Variants in TMEM117 observed in about 807,000 individuals in gnomAD.
The protein encoded by TMEM117 is transmembrane protein 117.
Under a neutral mutation model 52.4 loss-of-function variants are expected in TMEM117, and 27 were observed. The ratio of observed to expected loss-of-function variants is 0.51; its 90% CI spans 0.38 to 0.71. The LOEUF (loss-of-function observed/expected upper bound fraction) is 0.71. TMEM117 is among the 30% of genes least tolerant of loss of function. The pLI, the probability that TMEM117 is intolerant of heterozygous loss-of-function variation, is 0.00. For missense variants in TMEM117, 556 were observed against 630.5 expected (o/e 0.88, Z 1.26); for synonymous variants, 215 against 206.3 (o/e 1.04, Z -0.36).
intron 2 of TMEM117, among the ~76,000 whole-genome samples, chr12:43,875,871 CT>C (rs950140618): frequency 2.6e-5 from 4 of 151,960 alleles, no homozygotes; most frequent in Admixed American, 2.0e-4. Flanking sequence ...TTTTTTTCCC[CT>C]GGGATGATAT....
At chr12:44,084,999 A>G (rs1299463274) in intron 3 of TMEM117, among the ~76,000 whole-genome samples, 1 of 152,220 alleles carries the variant, frequency 6.6e-6, no homozygotes. Context: ...TGCTGTGAAG[A>G]TTCAATAACA....
intron 5 of TMEM117, among the ~76,000 whole-genome samples, chr12:44,243,436 A>C (rs926824662): frequency 2.0e-5 from 3 of 151,936 alleles, no homozygotes; most frequent in Non-Finnish European, 4.4e-5. Flanking sequence ...TTAAATACTA[A>C]TTTTAAATAA....
intron 6 of TMEM117, among the ~76,000 whole-genome samples, chr12:44,315,073 T>C (rs1328141607): frequency 6.6e-6 from 1 of 152,212 alleles, no homozygotes; most frequent in Non-Finnish European, 1.5e-5. Context: ...TGAGAATCTT[T>C]TGTGTTTCTG....
At chr12:44,064,026 A>G (rs1947183316) in intron 3 of TMEM117, among the ~76,000 whole-genome samples, 1 of 152,162 alleles carries the variant, frequency 6.6e-6, no homozygotes, top group Non-Finnish European at 1.5e-5. Flanking sequence ...AGGTGAATTT[A>G]TGGGCCTCCT....
intron 6 of TMEM117, among the ~76,000 whole-genome samples, chr12:44,372,563 C>T (rs1006956181): frequency 2.2e-5 from 3 of 138,214 alleles, no homozygotes; most frequent in Non-Finnish European, 3.3e-5. Flanking sequence ...TGTTTACATC[C>T]GGATAGTATG....
chr12:43,829,750 G>A, the TMEM117 span, among the ~76,000 whole-genome samples: 1 of 152,202 alleles, frequency 6.6e-6, no homozygotes, highest in African/African-American at 2.4e-5. Flanking sequence ...GAGCCTCTGT[G>A]TATGTGGGAG....
At chr12:43,824,903 C>T in the TMEM117 span, among the ~76,000 whole-genome samples, 12 of 152,220 alleles carry the variant, frequency 7.9e-5, no homozygotes, top group African/African-American at 2.9e-4. Flanking sequence ...TCCAGCACCC[C>T]AGCCTGGGCG....
chr12:44,391,576 G>A (rs1367904553), downstream of TMEM117, among the ~76,000 whole-genome samples: 1 of 152,100 alleles, frequency 6.6e-6, no homozygotes, highest in East Asian at 1.9e-4. Flanking sequence ...TTGAAGGAGG[G>A]AGTCAATACA....
chr12:44,130,229 T>A (rs577221634), intron 3 of TMEM117, among the ~76,000 whole-genome samples: 234 of 152,334 alleles, frequency 1.5e-3, no homozygotes, highest in Middle Eastern at 3.4e-3. Flanking sequence ...AGGTATATCT[T>A]AATTATTGTG....
intron 3 of TMEM117, among the ~76,000 whole-genome samples, chr12:43,968,542 C>T (rs979625176): frequency 5.3e-5 from 8 of 151,990 alleles, no homozygotes; most frequent in African/African-American, 1.2e-4. Flanking sequence ...ACCATTTTTC[C>T]GGCTATATAG....
intron 6 of TMEM117, among the ~76,000 whole-genome samples, chr12:44,320,556 C>G (rs1951116605): frequency 6.6e-6 from 1 of 152,140 alleles, no homozygotes; most frequent in South Asian, 2.1e-4. Context: ...TTGCATTTTA[C>G]ACTCTATTAA....
At chr12:43,877,890 A>AACAC (rs369405497) in intron 2 of TMEM117, among the ~76,000 whole-genome samples, 24,547 of 142,908 alleles carry the variant, frequency 0.17, 2,071 homozygotes, top group Middle Eastern at 0.21. Context: ...GTAAAAACAA[A>AACAC]ACACACACAC....
downstream of TMEM117, among the ~76,000 whole-genome samples, chr12:44,393,425 A>G (rs982406801): frequency 6.6e-6 from 1 of 152,194 alleles, no homozygotes; most frequent in African/African-American, 2.4e-5. Flanking sequence ...ATGTGAAAAT[A>G]AATATTCCAT....
At chr12:43,875,587 C>G (rs118110415) in intron 2 of TMEM117, among the ~76,000 whole-genome samples, 2,022 of 152,258 alleles carry the variant, frequency 0.013, 17 homozygotes, top group Non-Finnish European at 0.02. Context: ...ATTCATTTCT[C>G]TATCTCTTGA....
intron 3 of TMEM117, among the ~76,000 whole-genome samples, chr12:44,078,413 G>A (rs1486147646): frequency 6.6e-6 from 1 of 152,172 alleles, no homozygotes. Context: ...GAAAGTGGCT[G>A]TCCCCAGCTG....
Position 44,386,985 on chromosome 12 carries a change from G to GA in TMEM117, c.899-1035dup, listed in dbSNP as rs200970182. 3.3e-3 allele frequency among the ~76,000 whole-genome samples: 506 copies of GA among 151,854 alleles called. 4 individuals are homozygous for GA. Among genetic ancestry groups the GA allele is most frequent in the African/African-American group, 0.011 (455 of 41,480 alleles). Reference sequence around the variant, plus strand: ...AAATAATGTTACTTCAAATACAAAAGAAAAAAGTTTTGGCATAATACATAA... The same window carrying GA: ...AAATAATGTTACTTCAAATACAAAAGAAAAAAAGTTTTGGCATAATACATAA... On this transcript the variant is annotated intron_variant, in intron 7 of 7. Transcript: ENST00000266534.
intron 6 of TMEM117, among the ~76,000 whole-genome samples, chr12:44,375,021 CATTATTATTATTATT>C (rs200123553): frequency 6.6e-6 from 1 of 151,492 alleles, no homozygotes; most frequent in Admixed American, 6.6e-5. Flanking sequence ...TTATTATTAT[CATTATTATTATTATT>C]ATTGCAAACG....
chr12:43,844,121 A>C (rs190730849), intron 1 of TMEM117, among the ~76,000 whole-genome samples: 1 of 152,322 alleles, frequency 6.6e-6, no homozygotes, highest in East Asian at 1.9e-4. Context: ...AGATCATTTG[A>C]GCCCAGAAGC....
chr12:44,356,973 G>A (rs1018024447), intron 6 of TMEM117, among the ~76,000 whole-genome samples: 3 of 152,102 alleles, frequency 2.0e-5, no homozygotes, highest in African/African-American at 7.2e-5. Flanking sequence ...AGCCAAATTT[G>A]TAAGCACTGA....
Sources: gnomAD v4.1 joint callset for allele counts (sites outside exome capture counted in the v4.1 genomes callset) on GRCh38, gnomAD v4.1.1 for gene constraint, MANE v1.5 for transcripts, NCBI Gene and HGNC (gene_info 2026-07-23, HGNC 2026-07-21) for gene names.